Variants in TAFA1 observed in about 807,000 individuals in gnomAD.
The protein encoded by TAFA1 is TAFA chemokine like family member 1.
Under a neutral mutation model 18.5 loss-of-function variants are expected in TAFA1, and 4 were observed. The ratio of observed to expected loss-of-function variants is 0.22; its 90% CI spans 0.11 to 0.49. TAFA1 has a LOEUF of 0.49. Ranked by LOEUF, TAFA1 falls within the 20% of genes least tolerant of loss-of-function variation. The probability of loss-of-function intolerance (pLI) is 0.98; values close to 1 mark genes in which losing one functional copy is unlikely to be tolerated. For missense variants in TAFA1, 147 were observed against 169.0 expected (o/e 0.87, Z 0.72); for synonymous variants, 56 against 55.2 (o/e 1.01, Z -0.06).
chr3:68,490,953 C>T (rs2072440981), intron 3 of TAFA1, among the ~76,000 whole-genome samples: 1 of 152,054 alleles, frequency 6.6e-6, no homozygotes, highest in Non-Finnish European at 1.5e-5. Flanking sequence ...ATCCTCCCAC[C>T]TCAACCCCCC....
intron 2 of TAFA1, among the ~76,000 whole-genome samples, chr3:68,234,175 T>A (rs1446901079): frequency 6.6e-6 from 1 of 152,204 alleles, no homozygotes. Flanking sequence ...TTCCCCACTA[T>A]GGCATTTGAG....
At chr3:68,511,976 C>G (rs1188957859) in intron 3 of TAFA1, among the ~76,000 whole-genome samples, 1 of 151,986 alleles carries the variant, frequency 6.6e-6, no homozygotes, top group Non-Finnish European at 1.5e-5. Context: ...TCTGTATTAA[C>G]TCATTTCATA....
chr3:68,401,413 C>T (rs577210098), intron 2 of TAFA1, among the ~76,000 whole-genome samples: 141 of 152,290 alleles, frequency 9.3e-4, no homozygotes, highest in African/African-American at 3.2e-3. Flanking sequence ...CTCATTCAAA[C>T]TCAATCAAGA....
intron 2 of TAFA1, among the ~76,000 whole-genome samples, chr3:68,286,976 A>T (rs1425293672): frequency 1.3e-5 from 2 of 152,184 alleles, no homozygotes; most frequent in African/African-American, 2.4e-5. Flanking sequence ...ACTTCCAGCA[A>T]GGGAAACACA....
chr3:68,491,207 A>G (rs887757787), intron 3 of TAFA1, among the ~76,000 whole-genome samples: 1 of 152,192 alleles, frequency 6.6e-6, no homozygotes, highest in Non-Finnish European at 1.5e-5. Flanking sequence ...CCAAAGGATT[A>G]TAAAACATGC....
chr3:68,059,539 G>T (rs2064576285), intron 2 of TAFA1, among the ~76,000 whole-genome samples: 1 of 152,164 alleles, frequency 6.6e-6, no homozygotes, highest in African/African-American at 2.4e-5. Context: ...ACACAGGACA[G>T]GTGGGTTTTG....
intron 3 of TAFA1, among the ~76,000 whole-genome samples, chr3:68,431,822 G>A (rs1002650887): frequency 4.0e-5 from 6 of 151,790 alleles, no homozygotes; most frequent in Non-Finnish European, 5.9e-5. Flanking sequence ...TGGGAGCGTC[G>A]GCAGACTCAC....
At chr3:68,044,145 C>A (rs560441227) in intron 2 of TAFA1, among the ~76,000 whole-genome samples, 25 of 152,254 alleles carry the variant, frequency 1.6e-4, no homozygotes, top group South Asian at 1.0e-3. Context: ...TTCGTTTGTT[C>A]CTTCATTCTT....
chr3:68,515,721 T>C (rs1038273458), intron 3 of TAFA1, among the ~76,000 whole-genome samples: 15 of 152,208 alleles, frequency 9.9e-5, no homozygotes, highest in African/African-American at 3.6e-4. Context: ...TTGGGCTAAT[T>C]AAAATCTGAA....
chr3:68,056,748 A>G lies in TAFA1; in HGVS notation c.118+50004A>G, dbSNP rs1575594470. 4.6e-5 allele frequency among the ~76,000 whole-genome samples: 7 copies of G among 152,266 alleles called. No homozygotes were observed. The East Asian group carries it at 1.4e-3, about 29-fold the overall frequency. ...CAAAGGGCTACTCCTAGAGGGTTTTAAATTCCAGGCACTTTCAGCCTGCTG... is the reference window on the plus strand; with the variant it reads ...CAAAGGGCTACTCCTAGAGGGTTTTGAATTCCAGGCACTTTCAGCCTGCTG... On this transcript the variant is annotated intron_variant, in intron 2 of 4. Coordinates refer to ENST00000478136, the MANE Select transcript of TAFA1 (RefSeq NM_213609.4).
intron 2 of TAFA1, among the ~76,000 whole-genome samples, chr3:68,089,517 G>A (rs2065008209): frequency 6.6e-6 from 1 of 152,176 alleles, no homozygotes; most frequent in African/African-American, 2.4e-5. Context: ...TGGTTTCAGT[G>A]TAGGGTATAA....
At chr3:68,362,835 A>G (rs1274694508) in intron 2 of TAFA1, among the ~76,000 whole-genome samples, 8 of 152,008 alleles carry the variant, frequency 5.3e-5, no homozygotes, top group Non-Finnish European at 2.9e-5. Context: ...TTCCAAACAC[A>G]TTTTACTCTG....
intron 2 of TAFA1, among the ~76,000 whole-genome samples, chr3:68,138,066 A>G (rs972016609): frequency 6.6e-6 from 1 of 152,132 alleles, no homozygotes; most frequent in African/African-American, 2.4e-5. Context: ...CTAATGGAAT[A>G]TATTTGTATA....
intron 3 of TAFA1, among the ~76,000 whole-genome samples, chr3:68,453,806 T>G (rs1476214432): frequency 6.6e-6 from 1 of 152,222 alleles, no homozygotes; most frequent in African/African-American, 2.4e-5. Context: ...GCTACAAGGT[T>G]TACATTGCAG....
intron 3 of TAFA1, among the ~76,000 whole-genome samples, chr3:68,435,013 G>T (rs776648304): frequency 1.3e-5 from 2 of 152,106 alleles, no homozygotes; most frequent in Non-Finnish European, 2.9e-5. Flanking sequence ...CAGGGGAGAT[G>T]ACAGGCAAAT....
At chr3:68,449,897 A>T (rs2071541023) in intron 3 of TAFA1, among the ~76,000 whole-genome samples, 1 of 152,240 alleles carries the variant, frequency 6.6e-6, no homozygotes, top group Non-Finnish European at 1.5e-5. Flanking sequence ...AACGGAAAAG[A>T]TATTTCCTTC....
intron 2 of TAFA1, among the ~76,000 whole-genome samples, chr3:68,106,429 A>G (rs1164650203): frequency 1.3e-5 from 2 of 152,104 alleles, no homozygotes; most frequent in East Asian, 1.9e-4. Flanking sequence ...ATTTAATTTG[A>G]TTTGATTTAA....
intron 3 of TAFA1, among the ~76,000 whole-genome samples, chr3:68,508,320 A>C (rs900234366): frequency 6.6e-6 from 1 of 151,902 alleles, no homozygotes; most frequent in Non-Finnish European, 1.5e-5. Context: ...TTTCAAGGGG[A>C]CATAAACATG....
intron 2 of TAFA1, among the ~76,000 whole-genome samples, chr3:68,353,756 C>T (rs2069313244): frequency 6.6e-6 from 1 of 151,958 alleles, no homozygotes; most frequent in Non-Finnish European, 1.5e-5. Context: ...ATTTCAGTCT[C>T]CTAACGTTTT....
Sources: gnomAD v4.1 joint callset for allele counts (sites outside exome capture counted in the v4.1 genomes callset) on GRCh38, gnomAD v4.1.1 for gene constraint, MANE v1.5 for transcripts, NCBI Gene and HGNC (gene_info 2026-07-23, HGNC 2026-07-21) for gene names.